The following TEX13C variants were observed in gnomAD, a reference collection of about 807,000 sequenced individuals.
The protein encoded by TEX13C is TEX13 family member C.
For synonymous variants in TEX13C, 219 were observed against 116.6 expected, an observed-to-expected ratio of 1.88 and a Z score of -5.65; for missense variants, 480 against 298.7, an observed-to-expected ratio of 1.61 and a Z score of -4.47.
chrX:125,322,342 C>A (rs1269333231), exon 1 of TEX13C: 24 of 464,655 alleles, frequency 5.2e-5, no homozygotes, highest in Non-Finnish European at 7.8e-5. Flanking sequence ...CAGTGATGCC[C>A]AAGGAGATGG....
chrX:125,321,653 C>T, exon 1 of TEX13C: 4 of 509,458 alleles, frequency 7.9e-6, no homozygotes, highest in Non-Finnish European at 1.4e-5. Context: ...TCTAGTTGTG[C>T]CCAAGGAGCT....
chrX:125,321,489 A>G (rs1569520574), exon 1 of TEX13C: 1 of 512,068 alleles, frequency 2.0e-6, no homozygotes, highest in East Asian at 3.6e-5. Context: ...CCCCTGGGGG[A>G]CAGCAACAGC....
At chrX:125,320,087 G>A (rs777888259), upstream of TEX13C, 49 of 460,077 alleles carry the variant, frequency 1.1e-4, no homozygotes, top group African/African-American at 7.2e-4. Flanking sequence ...GCGACGCACC[G>A]TGAGGCAGCT....
At chrX:125,324,475 A>G (rs1031726085) in exon 1 of TEX13C, 1 of 110,746 alleles carries the variant, frequency 9.0e-6, no homozygotes, top group African/African-American at 3.3e-5. Flanking sequence ...TGGCATGATC[A>G]TCATAGCTCA....
At chrX:125,320,031 T>G (rs1201577771), upstream of TEX13C, 1 of 448,690 alleles carries the variant, frequency 2.2e-6, no homozygotes, top group Admixed American at 3.8e-5. Flanking sequence ...AGGGGTGGAC[T>G]GGTTGGTGGC....
At chrX:125,321,519 C>A in exon 1 of TEX13C, 1 of 510,289 alleles carries the variant, frequency 2.0e-6, no homozygotes, top group Non-Finnish European at 3.5e-6. Flanking sequence ...AAGAAAGATC[C>A]AGTGGTGGCC....
chrX:125,322,321 G>A (rs1390450349), exon 1 of TEX13C: 1 of 466,751 alleles, frequency 2.1e-6, no homozygotes, highest in Non-Finnish European at 3.7e-6. Flanking sequence ...GACACAGCCT[G>A]AAGAAAGTGC....
At chrX:125,321,219 A>G (rs1415913188) in exon 1 of TEX13C, 1 of 514,859 alleles carries the variant, frequency 1.9e-6, no homozygotes, top group Non-Finnish European at 3.5e-6. Context: ...ATGCCCAAGG[A>G]GATGGTCCCC....
rs145576211 is a variant in TEX13C at position 125,320,462 on chromosome X, C to T, written c.343C>T (p.Arg115Cys). 7,391 of 514,708 alleles carry T rather than the reference C, an allele frequency of 0.014. 365 individuals carry two copies. In the African/African-American group the frequency reaches 0.15, roughly 10 times the overall value. The allele number at this position is 514,708 out of a possible 1,213,427, so 42.4% of individuals were successfully genotyped here. A position where few individuals can be genotyped will look rare whatever the true frequency, so the allele number is the denominator to read the frequency against. ...TCTAACTTCCCAGCTGCAGCAGCTG[C>T]GCCTGGAGCATGAGGAGGTGGCAAC... The change falls in exon 1 of 1, where the codon CGC (arginine) becomes TGC (cysteine). Residue 115 changes from arginine (R) to cysteine (C), a missense_variant. Physicochemically the swap from Arg to Cys is radical, Grantham distance 180. Coordinates refer to ENST00000632600, the Ensembl canonical transcript of TEX13C.
At chrX:125,323,167 C>T (rs991095518) in exon 1 of TEX13C, 1 of 429,967 alleles carries the variant, frequency 2.3e-6, no homozygotes, top group South Asian at 3.9e-5. Context: ...TTCCCAGGAC[C>T]CCCTTCTGAT....
At chrX:125,323,255 C>T (rs2018865888) in exon 1 of TEX13C, 1 of 407,956 alleles carries the variant, frequency 2.5e-6, no homozygotes, top group African/African-American at 2.5e-5. Context: ...ATCCATTATC[C>T]TATTACCCAA....
At chrX:125,320,727 C>T (rs940612588) in exon 1 of TEX13C, 5 of 513,930 alleles carry the variant, frequency 9.7e-6, no homozygotes, top group African/African-American at 6.9e-5. Flanking sequence ...GTAGCAGCCC[C>T]AACAGCTGTG....
At chrX:125,320,170 G>T in exon 1 of TEX13C, 1 of 510,150 alleles carries the variant, frequency 2.0e-6, no homozygotes, top group Non-Finnish European at 3.5e-6. Context: ...ATGATGATGT[G>T]ATCAGGTTCA....
chrX:125,321,870 G>A (rs2018846184), exon 1 of TEX13C: 2 of 510,409 alleles, frequency 3.9e-6, no homozygotes, highest in African/African-American at 4.7e-5. Flanking sequence ...CTGGAGGACA[G>A]CAACAGCCAC....
exon 1 of TEX13C, chrX:125,322,621 C>T (rs772659723): frequency 2.0e-6 from 1 of 511,924 alleles, no homozygotes; most frequent in Non-Finnish European, 3.5e-6. Flanking sequence ...ACAGCAACAG[C>T]CACAGCATGA....
exon 1 of TEX13C, chrX:125,320,284 C>A: frequency 1.9e-6 from 1 of 515,778 alleles, no homozygotes; most frequent in Non-Finnish European, 3.5e-6. Flanking sequence ...CCATTGTGGC[C>A]GACCCGCGGG....
chrX:125,320,890 A>C (rs2018829957), exon 1 of TEX13C: 1 of 513,868 alleles, frequency 1.9e-6, no homozygotes, highest in Non-Finnish European at 3.5e-6. Context: ...TGGAATCAGC[A>C]GCAGCAATTG....
exon 1 of TEX13C, chrX:125,320,133 T>C (rs1433322791): frequency 8.3e-6 from 4 of 483,720 alleles, no homozygotes; most frequent in East Asian, 3.7e-5. Context: ...GCGATGAACT[T>C]TGGGGACCAT....
chrX:125,320,567 G>A (rs1179702942), exon 1 of TEX13C: 2 of 514,899 alleles, frequency 3.9e-6, no homozygotes, highest in Non-Finnish European at 7.0e-6. Flanking sequence ...GCTAGAAGTT[G>A]AGAGATCCAT....
Sources: allele counts gnomAD v4.1 joint callset, GRCh38; gene constraint gnomAD v4.1.1; transcripts MANE v1.5; gene names NCBI Gene and HGNC (gene_info 2026-07-23, HGNC 2026-07-21).